PHF24: variants seen among roughly 807,000 people sequenced by gnomAD.
The protein encoded by PHF24 is Galpha inhibitory interacting protein.
In PHF24, 25 loss-of-function variants were observed where a neutral mutation model predicts 42.6. The observed-to-expected ratio is 0.59, with a 90% CI of 0.43 to 0.82. The LOEUF is 0.82. Among genes scored for constraint, PHF24 ranks in the 40% least tolerant of loss-of-function variants. PHF24 has a pLI of 0.00. For synonymous variants in PHF24, 185 were observed against 204.8 expected, an observed-to-expected ratio of 0.90 and a Z score of 0.83; for missense variants, 470 against 538.1, an observed-to-expected ratio of 0.87 and a Z score of 1.25.
At chr9:34,907,051 T>A in the PHF24 span, among the ~76,000 whole-genome samples, 3 of 152,096 alleles carry the variant, frequency 2.0e-5, no homozygotes, top group Non-Finnish European at 4.4e-5. Context: ...GGTCCCAAAC[T>A]CCTGGCCTCA....
the PHF24 span, chr9:34,709,545 G>GCC: frequency 6.2e-7 from 1 of 1,614,106 alleles, no homozygotes; most frequent in Non-Finnish European, 8.5e-7. Flanking sequence ...AGTCTTGGAG[G>GCC]CCCCCCTGTC....
At chr9:34,931,825 A>T in the PHF24 span, among the ~76,000 whole-genome samples, 5 of 152,272 alleles carry the variant, frequency 3.3e-5, no homozygotes, top group South Asian at 8.3e-4. Flanking sequence ...AGAATGGACT[A>T]ACAAACACAC....
chr9:34,845,284 TTA>T, the PHF24 span, among the ~76,000 whole-genome samples: 1 of 152,216 alleles, frequency 6.6e-6, no homozygotes, highest in Non-Finnish European at 1.5e-5. Context: ...CTCTGCCACT[TTA>T]TGTCTTTTCA....
At chr9:34,745,715 C>A in the PHF24 span, among the ~76,000 whole-genome samples, 1 of 149,890 alleles carries the variant, frequency 6.7e-6, no homozygotes, top group Admixed American at 6.6e-5. Context: ...CAACTTTACC[C>A]CCCTAACAAA....
intron 1 of PHF24, among the ~76,000 whole-genome samples, chr9:34,969,819 A>G (rs61333728): frequency 0.01 from 1,558 of 152,194 alleles, 24 homozygotes; most frequent in African/African-American, 0.029. Flanking sequence ...TGTCTGGACT[A>G]TGATATTAAC....
chr9:34,812,788 C>G, the PHF24 span, among the ~76,000 whole-genome samples: 4 of 152,226 alleles, frequency 2.6e-5, no homozygotes, highest in African/African-American at 9.6e-5. Flanking sequence ...CTCGTGAACA[C>G]TTGCACTTCG....
chr9:34,941,863 G>A, the PHF24 span, among the ~76,000 whole-genome samples: 3 of 152,104 alleles, frequency 2.0e-5, no homozygotes, highest in Non-Finnish European at 4.4e-5. Context: ...TCACCTTGGG[G>A]GTTAGGATTT....
chr9:34,793,817 G>A, the PHF24 span, among the ~76,000 whole-genome samples: 2 of 149,662 alleles, frequency 1.3e-5, no homozygotes, highest in Admixed American at 6.7e-5. Flanking sequence ...CCCAAGCAAT[G>A]ATTTTGGAAG....
the PHF24 span, among the ~76,000 whole-genome samples, chr9:34,947,629 T>C: frequency 6.6e-6 from 1 of 152,186 alleles, no homozygotes; most frequent in Non-Finnish European, 1.5e-5. Context: ...AAGGCATTGT[T>C]GTCATGGGAG....
At chr9:34,838,475 C>A in the PHF24 span, 3 of 1,333,366 alleles carry the variant, frequency 2.2e-6, no homozygotes, top group Admixed American at 2.0e-5. Flanking sequence ...TCCCACAGAA[C>A]AAAAGTAGGG....
chr9:34,863,814 C>A, the PHF24 span, among the ~76,000 whole-genome samples: 339 of 152,324 alleles, frequency 2.2e-3, 2 homozygotes, highest in African/African-American at 7.0e-3. Context: ...CACCAGGGAC[C>A]AATCCTGGAG....
At chr9:34,772,165 C>A in the PHF24 span, among the ~76,000 whole-genome samples, 1 of 152,158 alleles carries the variant, frequency 6.6e-6, no homozygotes, top group Admixed American at 6.6e-5. Context: ...AAATTAAACT[C>A]CCCAAGAGAC....
chr9:34,721,418 T>G, the PHF24 span, among the ~76,000 whole-genome samples: 1 of 151,894 alleles, frequency 6.6e-6, no homozygotes, highest in Non-Finnish European at 1.5e-5. Context: ...TCTCTCTCTC[T>G]CTCTCTCTCT....
At chr9:34,968,410 T>C (rs1165245959) in intron 1 of PHF24, among the ~76,000 whole-genome samples, 1 of 152,240 alleles carries the variant, frequency 6.6e-6, no homozygotes, top group Non-Finnish European at 1.5e-5. Flanking sequence ...TAAATCTTTC[T>C]TCAATAAATC....
At chr9:34,768,932 AG>A in the PHF24 span, among the ~76,000 whole-genome samples, 1 of 152,016 alleles carries the variant, frequency 6.6e-6, no homozygotes, top group Non-Finnish European at 1.5e-5. Context: ...GAGAGAATTC[AG>A]TCAGGTAGCA....
intron 1 of PHF24, among the ~76,000 whole-genome samples, chr9:34,961,596 A>G (rs950657483): frequency 1.3e-5 from 2 of 152,236 alleles, no homozygotes; most frequent in African/African-American, 4.8e-5. Context: ...TAAGGGGGAA[A>G]TTATGGCATT....
chr9:34,869,507 G>A, the PHF24 span, among the ~76,000 whole-genome samples: 22 of 152,280 alleles, frequency 1.4e-4, no homozygotes, highest in East Asian at 4.0e-3. Context: ...AGTGATGAGT[G>A]ATGTTGAGCT....
the PHF24 span, among the ~76,000 whole-genome samples, chr9:34,947,416 C>T: frequency 7.9e-5 from 12 of 152,140 alleles, no homozygotes; most frequent in South Asian, 2.1e-4. Context: ...ACTGTGCTGC[C>T]GGTTATATAA....
the PHF24 span, among the ~76,000 whole-genome samples, chr9:34,817,730 A>AT: frequency 5.3e-5 from 8 of 151,984 alleles, no homozygotes; most frequent in Admixed American, 1.3e-4. Context: ...GAATTTATCA[A>AT]TTTTTTTCTT....
Sources: allele counts gnomAD v4.1 joint callset (sites outside exome capture counted in the v4.1 genomes callset), GRCh38; gene constraint gnomAD v4.1.1; transcripts MANE v1.5; gene names NCBI Gene and HGNC (gene_info 2026-07-23, HGNC 2026-07-21).